NME6: variants seen among roughly 807,000 people sequenced by gnomAD.
NME6 encodes the protein nucleoside diphosphate kinase 6, mitochondrial.
NME6 carries 16 observed loss-of-function variants against 22.2 expected under a neutral mutation model. That is an observed-to-expected ratio of 0.72 (90% confidence interval 0.49 to 1.09). NME6 has a LOEUF of 1.09. Among genes scored for constraint, NME6 ranks in the 50% least tolerant of loss-of-function variants. NME6 has a pLI of 0.00. For missense variants in NME6, 229 were observed against 239.0 expected (o/e 0.96, Z 0.28); for synonymous variants, 58 against 85.2 (o/e 0.68, Z 1.76).
chr3:48,287,675 GA>G (rs1177625530), downstream of NME6: 1 of 152,140 alleles, frequency 6.6e-6, no homozygotes, highest in Non-Finnish European at 1.5e-5. Context: ...AGAAAGACAG[GA>G]AATAATTGCC....
intron 1 of NME6, 91 bp downstream of exon 1, chr3:48,301,262 G>C: frequency 6.3e-7 from 1 of 1,590,892 alleles, no homozygotes; most frequent in Non-Finnish European, 8.6e-7. Flanking sequence ...CAACCGCGCA[G>C]CCCTCACCCC....
chr3:48,298,405 G>C (rs758259358), intron 2 of NME6, 22 bp downstream of exon 2: 5 of 1,603,158 alleles, frequency 3.1e-6, no homozygotes, highest in South Asian at 1.1e-5. Context: ...GCATGCGGTA[G>C]AGACTTAGGA....
downstream of NME6, chr3:48,290,580 T>C (rs1470366298): frequency 6.5e-6 from 1 of 153,084 alleles, no homozygotes; most frequent in East Asian, 1.9e-4. Flanking sequence ...GGATTCTTCC[T>C]GTCGGAGATT....
At position 48,293,613 on chromosome 3, in the gene NME6, T is replaced by A. The variant is rs1437949281; in HGVS notation, c.*1024A>T. On this transcript the variant is annotated 3_prime_UTR_variant, in exon 6 of 6. Transcript: ENST00000442597. Reference sequence around the variant, plus strand: ...GACTTTCCACCCTATCTCCTTCACCTCCTCACCCAGCCAAAGGAAACCTTC... The same window carrying A: ...GACTTTCCACCCTATCTCCTTCACCACCTCACCCAGCCAAAGGAAACCTTC... 2.0e-5 allele frequency: 3 copies of A among 152,152 alleles called. No individual in the cohort carries two copies. The highest frequency in any genetic ancestry group is 4.4e-5 in the Non-Finnish European group (3 of 68,036). The allele number at this position is 152,152 out of a possible 1,614,324, so 9.4% of individuals were successfully genotyped here.
chr3:48,296,805 T>G lies in NME6; in HGVS notation c.115A>C (p.Asn39His). 6.2e-7 allele frequency: 1 copy of G among 1,613,604 alleles called. No individual in the cohort carries two copies. Among genetic ancestry groups the G allele is most frequent in the Non-Finnish European group, 8.5e-7 (1 of 1,179,836 alleles). Residue 39 changes from asparagine to histidine, a missense_variant, in exon 3 of 6, where the codon AAC becomes CAC. Transcript: ENST00000442597. ...CTCATTCGTACAATCAGGAACTTGTTGCTTAGAATCTGCTGATGAACAGCC... is the reference window on the plus strand; with the variant it reads ...CTCATTCGTACAATCAGGAACTTGTGGCTTAGAATCTGCTGATGAACAGCC... ...LEAVHQQILSNKFLIVRMREL... is the reference protein window; with the variant it reads ...LEAVHQQILSHKFLIVRMREL...
intron 2 of NME6, chr3:48,297,550 T>C (rs2035244925): frequency 6.6e-6 from 1 of 152,360 alleles, no homozygotes; most frequent in Non-Finnish European, 1.5e-5. Flanking sequence ...AATGTGAAAA[T>C]GACCCCGAGC....
At chr3:48,292,307 C>T (rs1449241811), downstream of NME6, 1 of 152,176 alleles carries the variant, frequency 6.6e-6, no homozygotes, top group Non-Finnish European at 1.5e-5. Context: ...CACGAGTTCA[C>T]ACTGATATCT....
downstream of NME6, chr3:48,290,923 A>G: frequency 3.9e-6 from 1 of 254,710 alleles, no homozygotes; most frequent in Non-Finnish European, 7.7e-6. Flanking sequence ...TGGCTACAAC[A>G]CTTATGCTGA....
chr3:48,296,006 C>T (rs143905509), intron 4 of NME6, 113 bp downstream of exon 4: 8 of 821,428 alleles, frequency 9.7e-6, no homozygotes, highest in South Asian at 4.2e-5. Context: ...CATGAGCCAC[C>T]GTGCCTGGCC....
intron 1 of NME6, 68 bp downstream of exon 1, chr3:48,301,285 C>A: frequency 6.3e-7 from 1 of 1,598,692 alleles, no homozygotes; most frequent in Non-Finnish European, 8.5e-7. Flanking sequence ...GTACCCGGGG[C>A]CTAAGCCCAC....
rs750700488 is a variant in NME6 at position 48,298,461 on chromosome 3, T to C, written c.56A>G (p.Lys19Arg). 11 of 1,614,120 alleles carry C rather than the reference T, an allele frequency of 6.8e-6. No individual in the cohort carries two copies. The highest frequency in any genetic ancestry group is 9.3e-6 in the Non-Finnish European group (11 of 1,179,976). The stretch of plus-strand genomic sequence containing the variant: ...CAGTGGATGGGCGACTGCGTCAGGC[T>C]TGATCAGGGCTAGAGTGAGCTGGAG... Reference protein sequence around the residue: ...QALQLTLALIKPDAVAHPLIL... With the variant: ...QALQLTLALIRPDAVAHPLIL... Residue 19 changes from lysine (K) to arginine (R), a missense_variant, in exon 2 of 6, where the codon AAG becomes AGG. Lys to Arg is a conservative substitution (Grantham distance 26). Transcript: ENST00000442597.
intron 2 of NME6, 91 bp from the exon 3 acceptor site, chr3:48,296,920 G>A: frequency 3.1e-6 from 3 of 963,574 alleles, no homozygotes; most frequent in Non-Finnish European, 4.8e-6. Flanking sequence ...CTCAGGACCT[G>A]AGGGTTTGTC....
intron 2 of NME6, 130 bp downstream of exon 2, chr3:48,298,297 A>G: frequency 1.2e-6 from 1 of 809,566 alleles, no homozygotes; most frequent in South Asian, 1.5e-5. Context: ...GTCAGAGTTC[A>G]TGGCTTCTAG....
downstream of NME6, among the ~76,000 whole-genome samples, chr3:48,289,429 G>C (rs1252887423): frequency 6.6e-6 from 1 of 152,132 alleles, no homozygotes; most frequent in Non-Finnish European, 1.5e-5. Flanking sequence ...GGTGGATGGT[G>C]AGAGTGGAAG....
rs755002273 is a variant in NME6, at chr3:48,298,445, G to A, written c.72C>T (p.Ala24=). The change falls in exon 2 of 6, where the codon GCC becomes GCT. Residue 24 remains alanine (A), a synonymous_variant. Transcript: ENST00000442597. ...TLALIKPDAV[A]HPLILEAVHQ... is the part of the protein sequence containing the mutation. Reference sequence around the variant, plus strand: ...TTCTTACCTCCAGAATCAGTGGATGGGCGACTGCGTCAGGCTTGATCAGGG... The same window carrying A: ...TTCTTACCTCCAGAATCAGTGGATGAGCGACTGCGTCAGGCTTGATCAGGG... 6.2e-7 allele frequency: 1 copy of A among 1,614,116 alleles called. No homozygotes were observed. Among genetic ancestry groups the A allele is most frequent in the Non-Finnish European group, 8.5e-7 (1 of 1,179,988 alleles).
intron 3 of NME6, chr3:48,296,376 C>T (rs976562194): frequency 3.0e-6 from 2 of 657,330 alleles, no homozygotes; most frequent in African/African-American, 3.6e-5. Context: ...GCTTCCTAAT[C>T]TGCGTACGAG....
downstream of NME6, chr3:48,287,764 G>A (rs2106866683): frequency 6.6e-6 from 1 of 152,222 alleles, no homozygotes; most frequent in Middle Eastern, 3.4e-3. Context: ...GAACTTGGAA[G>A]GTTCGCCCAT....
downstream of NME6, among the ~76,000 whole-genome samples, chr3:48,289,216 C>T (rs2034303641): frequency 6.6e-6 from 1 of 152,030 alleles, no homozygotes; most frequent in African/African-American, 2.4e-5. Context: ...AGGCAGGCAC[C>T]ACCATGCCCA....
chr3:48,289,946 A>C (rs1404640901), downstream of NME6, among the ~76,000 whole-genome samples: 2 of 152,274 alleles, frequency 1.3e-5, no homozygotes, highest in Non-Finnish European at 2.9e-5. Context: ...GGGTTAAAGA[A>C]AAGACAAAAT....
Sources: gnomAD v4.1 joint callset for allele counts (sites outside exome capture counted in the v4.1 genomes callset) on GRCh38, gnomAD v4.1.1 for gene constraint, MANE v1.5 for transcripts, NCBI Gene and HGNC (gene_info 2026-07-23, HGNC 2026-07-21) for gene names.